Variants in C10orf67 observed in about 807,000 individuals in gnomAD.
C10orf67 encodes chromosome 10 open reading frame 67, also known as uncharacterized protein C10orf67, mitochondrial.
Under a neutral mutation model 35.6 loss-of-function variants are expected in C10orf67, and 60 were observed. The observed-to-expected ratio is 1.68, with a 90% CI of 1.37 to 2.09. The LOEUF is 2.09. C10orf67 is among the 30% of genes most tolerant of loss of function. The pLI, the probability that C10orf67 is intolerant of heterozygous loss-of-function variation, is 0.00. For synonymous variants in C10orf67, 167 were observed against 115.8 expected (o/e 1.44, Z -2.84); for missense variants, 474 against 330.2 (o/e 1.44, Z -3.38).
chr10:23,247,191 T>C (rs1173065721), intron 12 of C10orf67, among the ~76,000 whole-genome samples: 1 of 152,046 alleles, frequency 6.6e-6, no homozygotes. Flanking sequence ...TACAGTAGTG[T>C]ATGGTGATGT....
chr10:23,273,912 C>A (rs774036647), intron 8 of C10orf67, among the ~76,000 whole-genome samples: 15 of 152,116 alleles, frequency 9.9e-5, no homozygotes, highest in Non-Finnish European at 2.1e-4. Context: ...GGGGAACCAG[C>A]CCCCAATATT....
intron 5 of C10orf67, among the ~76,000 whole-genome samples, chr10:23,293,000 G>T (rs1053338315): frequency 1.3e-5 from 2 of 151,038 alleles, no homozygotes; most frequent in African/African-American, 4.9e-5. Flanking sequence ...AAAAGGTTTT[G>T]TGTGTGTGTG....
In C10orf67 at chr10:23,289,956, C is replaced by A. The variant is rs116326087; in HGVS notation, c.853G>T (p.Asp285Tyr). The A allele has an allele frequency of 1.3e-3, 966 of 716,852 alleles. No individual in the cohort carries two copies. The African/African-American group carries it at 0.014, about 11-fold the overall frequency. 44.4% of individuals were successfully genotyped at this position (716,852 alleles called of 1,614,324 possible). A position where few individuals can be genotyped will look rare whatever the true frequency, so the allele number is the denominator to read the frequency against. The stretch of plus-strand genomic sequence containing the variant: ...ATCTCTTTCATACTTATAAGTTCAT[C>A]TTCTGTAAACAAAAGGAGAGAGAGG... ...INLKENSGLE[D>Y]ELISMKEMAE... The change falls in exon 7 of 16, where the codon GAT (aspartate) becomes TAT (tyrosine). Residue 285 changes from aspartate to tyrosine, a missense_variant and splice_region_variant. Physicochemically the swap from Asp to Tyr is radical, Grantham distance 160. Coordinates refer to ENST00000636213, the MANE Select transcript of C10orf67 (RefSeq NM_001371909.1).
chr10:23,320,958 A>C (rs1588692209), intron 3 of C10orf67, 143 bp from the exon 4 acceptor site: 8 of 596,876 alleles, frequency 1.3e-5, no homozygotes. Flanking sequence ...CATTTCTCCC[A>C]CCCTGCAGCC....
chr10:23,330,340 G>T (rs1407194362), intron 2 of C10orf67, among the ~76,000 whole-genome samples: 1 of 152,162 alleles, frequency 6.6e-6, no homozygotes, highest in African/African-American at 2.4e-5. Flanking sequence ...GCACACACCT[G>T]TAGTCCCAGC....
At chr10:23,248,087 C>T (rs1408633838) in intron 12 of C10orf67, among the ~76,000 whole-genome samples, 1 of 152,154 alleles carries the variant, frequency 6.6e-6, no homozygotes, top group African/African-American at 2.4e-5. Context: ...GTGCATGGAC[C>T]TCTTCCATAT....
intron 10 of C10orf67, among the ~76,000 whole-genome samples, chr10:23,260,684 T>A (rs1156499145): frequency 1.3e-5 from 2 of 152,326 alleles, no homozygotes; most frequent in African/African-American, 2.4e-5. Context: ...CTCTCTTTAC[T>A]GCTGAAGACT....
intron 15 of C10orf67, among the ~76,000 whole-genome samples, chr10:23,205,512 T>C (rs747764724): frequency 1.4e-4 from 22 of 152,214 alleles, no homozygotes; most frequent in Non-Finnish European, 3.2e-4. Flanking sequence ...GGTTCCATAA[T>C]TTAGAAAAGT....
chr10:23,292,338 T>C (rs1047142947), intron 5 of C10orf67, among the ~76,000 whole-genome samples: 6 of 151,944 alleles, frequency 3.9e-5, no homozygotes, highest in Admixed American at 6.6e-5. Context: ...TGGTATGATA[T>C]TAAACAGATT....
At chr10:23,252,295 A>G (rs1338489914) in intron 10 of C10orf67, among the ~76,000 whole-genome samples, 11 of 152,028 alleles carry the variant, frequency 7.2e-5, no homozygotes, top group Non-Finnish European at 1.5e-5. Context: ...CTTTTAATAA[A>G]TTGTTCTTTG....
At chr10:23,343,278 G>T (rs1845980019) in intron 1 of C10orf67, among the ~76,000 whole-genome samples, 1 of 152,086 alleles carries the variant, frequency 6.6e-6, no homozygotes. Context: ...CCTATAAATG[G>T]GATTAGTGCC....
At chr10:23,240,783 G>A (rs1373292529) in intron 12 of C10orf67, among the ~76,000 whole-genome samples, 1 of 152,190 alleles carries the variant, frequency 6.6e-6, no homozygotes, top group Non-Finnish European at 1.5e-5. Context: ...ATAGAGATGA[G>A]ATTATCTAGG....
chr10:23,244,327 T>C (rs1419272657), intron 12 of C10orf67, among the ~76,000 whole-genome samples: 2 of 152,200 alleles, frequency 1.3e-5, no homozygotes. Flanking sequence ...GAAGAAAATA[T>C]ATAGTGTTAA....
intron 13 of C10orf67, among the ~76,000 whole-genome samples, chr10:23,228,470 T>C (rs1405484892): frequency 6.6e-6 from 1 of 152,142 alleles, no homozygotes; most frequent in Non-Finnish European, 1.5e-5. Context: ...ACGTTAGACC[T>C]AAAACCATAA....
At chr10:23,230,298 C>T (rs1588595284) in intron 13 of C10orf67, among the ~76,000 whole-genome samples, 1 of 151,992 alleles carries the variant, frequency 6.6e-6, no homozygotes, top group Non-Finnish European at 1.5e-5. Flanking sequence ...TCTCTATACA[C>T]TAATATCAAT....
At chr10:23,315,066 A>G (rs1267411954) in intron 4 of C10orf67, among the ~76,000 whole-genome samples, 1 of 152,218 alleles carries the variant, frequency 6.6e-6, no homozygotes, top group Non-Finnish European at 1.5e-5. Context: ...CCTTATGACT[A>G]AGCCTTAACA....
chr10:23,221,737 C>A (rs1841586478), intron 15 of C10orf67, among the ~76,000 whole-genome samples: 1 of 152,194 alleles, frequency 6.6e-6, no homozygotes, highest in African/African-American at 2.4e-5. Flanking sequence ...TTCATTTACT[C>A]CCCAAATTAG....
rs193256685 is a variant in C10orf67 at position 23,282,069 on chromosome 10, T to C, written c.919A>G (p.Ser307Gly). Residue 307 changes from serine (S) to glycine (G), a missense_variant, in exon 8 of 16, where the codon AGT becomes GGT. Transcript: ENST00000636213. The part of the protein sequence containing the change: ...DHKTIQKLMD[S>G]RDRLREELHY... ...AGCTCTTCTCTTAATCTGTCTCTAC[T>C]ATCCATTAACTGAAATAGAGAAGAA... 14 of 590,710 alleles carry C rather than the reference T, an allele frequency of 2.4e-5. No individual in the cohort carries two copies. The East Asian group carries it at 3.8e-4, about 16-fold the overall frequency. 36.6% of individuals were successfully genotyped at this position (590,710 alleles called of 1,614,324 possible). A position where few individuals can be genotyped will look rare whatever the true frequency, so the allele number is the denominator to read the frequency against.
intron 12 of C10orf67, among the ~76,000 whole-genome samples, chr10:23,244,931 C>T (rs942318669): frequency 6.6e-6 from 1 of 152,150 alleles, no homozygotes; most frequent in Admixed American, 6.5e-5. Context: ...CTGGAGGCAG[C>T]TCACTTCCTG....
Sources: gnomAD v4.1 joint callset for allele counts (sites outside exome capture counted in the v4.1 genomes callset) on GRCh38, gnomAD v4.1.1 for gene constraint, MANE v1.5 for transcripts, NCBI Gene and HGNC (gene_info 2026-07-23, HGNC 2026-07-21) for gene names.